The following TM7SF3 variants were observed in gnomAD, a reference collection of about 807,000 sequenced individuals.
The protein encoded by TM7SF3 is seven span transmembrane protein.
TM7SF3 carries 60 observed loss-of-function variants against 65.5 expected under a neutral mutation model. The observed-to-expected ratio is 0.92, with a 90% CI of 0.74 to 1.14. The LOEUF (loss-of-function observed/expected upper bound fraction) is 1.14, where lower values mean the gene tolerates loss of function less well. Among genes scored for constraint, TM7SF3 ranks in the 50% most tolerant of loss-of-function variants. TM7SF3 has a pLI of 0.00. For synonymous variants in TM7SF3, 264 were observed against 259.6 expected (o/e 1.02, Z -0.16); for missense variants, 623 against 684.8 (o/e 0.91, Z 1.01).
intron 8 of TM7SF3, chr12:26,980,229 G>A: frequency 3.7e-6 from 2 of 546,522 alleles, no homozygotes; most frequent in Non-Finnish European, 6.5e-6. Flanking sequence ...TAAACATAAT[G>A]GGGTAGGGAG....
At chr12:27,007,563 G>T (rs1420878395) in intron 1 of TM7SF3, among the ~76,000 whole-genome samples, 1 of 151,838 alleles carries the variant, frequency 6.6e-6, no homozygotes, top group Non-Finnish European at 1.5e-5. Context: ...TGCTGCCTGG[G>T]ACCCTCTCCA....
Position 26,972,420 on chromosome 12 carries a change from C to CA in TM7SF3, c.*1544_*1545insT. ...GTTTTCTTATTAATGGCAATACAGA[C>CA]TTTTTTTTTTTTTGAGACGGAGTCT... On this transcript the variant is annotated 3_prime_UTR_variant, in exon 12 of 12. Transcript: ENST00000343028. The CA allele has an allele frequency of 6.8e-6, 1 of 147,442 alleles. No individual in the cohort carries two copies. The highest frequency in any genetic ancestry group is 2.5e-5 in the African/African-American group (1 of 40,342). The allele number at this position is 147,442 out of a possible 1,614,324, so 9.1% of individuals were successfully genotyped here. A position where few individuals can be genotyped will look rare whatever the true frequency, so the allele number is the denominator to read the frequency against.
At chr12:27,012,995 CAAAA>C (rs772325397) in intron 1 of TM7SF3, 107 of 116,896 alleles carry the variant, frequency 9.2e-4, no homozygotes, top group South Asian at 3.9e-3. Flanking sequence ...GAGACTCCGT[CAAAA>C]AAAAAAAAAA....
intron 1 of TM7SF3, among the ~76,000 whole-genome samples, chr12:27,012,205 T>C (rs10771316): frequency 0.3 from 45,638 of 152,052 alleles, 7,368 homozygotes; most frequent in East Asian, 0.53. Context: ...TGGGTTCAAG[T>C]CCTATCTGTA....
At chr12:27,009,331 C>T (rs1217991398) in intron 1 of TM7SF3, among the ~76,000 whole-genome samples, 2 of 152,074 alleles carry the variant, frequency 1.3e-5, no homozygotes, top group Admixed American at 1.3e-4. Context: ...TGAATATATA[C>T]ATTAATTTAG....
At chr12:26,975,814 A>T in intron 10 of TM7SF3, 156 bp from the exon 11 acceptor site, 1 of 722,872 alleles carries the variant, frequency 1.4e-6, no homozygotes, top group South Asian at 2.1e-5. Flanking sequence ...CCCTGGAAAG[A>T]TAAACTGAAA....
intron 11 of TM7SF3, 96 bp from the exon 12 acceptor site, chr12:26,974,323 T>C: frequency 7.6e-7 from 1 of 1,307,356 alleles, no homozygotes; most frequent in Admixed American, 2.6e-5. Context: ...TATATTCCTT[T>C]CTAATAGACT....
chr12:26,974,319 CCTTT>C (rs2136371938), intron 11 of TM7SF3, 92 bp from the exon 12 acceptor site: 6 of 1,343,942 alleles, frequency 4.5e-6, no homozygotes, highest in Middle Eastern at 1.9e-4. Context: ...TCTGTATATT[CCTTT>C]CTAATAGACT....
Position 26,999,696 on chromosome 12 carries a change from T to C in TM7SF3, c.247-20A>G, listed in dbSNP as rs373677277. The C allele has an allele frequency of 5.1e-5, 83 of 1,612,988 alleles. No individual in the cohort carries two copies. Among genetic ancestry groups the C allele is most frequent in the Middle Eastern group, 4.9e-4 (3 of 6,078 alleles). Reference sequence around the variant, plus strand: ...GAGAGTCTGCAGTCCAGAAGAAACATTGTCATGAATAGGAAGTCGACCAAA... The same window carrying C: ...GAGAGTCTGCAGTCCAGAAGAAACACTGTCATGAATAGGAAGTCGACCAAA... On this transcript the variant is annotated intron_variant, in intron 2 of 11. Transcript: ENST00000343028.
At chr12:27,002,656 C>T (rs1245014402) in intron 2 of TM7SF3, among the ~76,000 whole-genome samples, 1 of 152,022 alleles carries the variant, frequency 6.6e-6, no homozygotes, top group East Asian at 1.9e-4. Flanking sequence ...CTTAAACTAA[C>T]CCAGAGAATT....
At chr12:26,981,684 T>C (rs1939822137) in intron 7 of TM7SF3, among the ~76,000 whole-genome samples, 1 of 152,208 alleles carries the variant, frequency 6.6e-6, no homozygotes, top group Non-Finnish European at 1.5e-5. Flanking sequence ...TTTCAAACAA[T>C]TTAACATAAG....
rs566359006 is a variant in TM7SF3 at position 27,014,048 on chromosome 12, G to C, written c.91+30C>G. ...CGCAAGAAATGCAAAAGCAACTTTG[G>C]GTTGCAGAAGCCAGGCGCCCCGACC... is the stretch of plus-strand genomic sequence containing the variant. On this transcript the variant is annotated intron_variant, in intron 1 of 11. Coordinates refer to ENST00000343028, the MANE Select transcript of TM7SF3 (RefSeq NM_016551.3). 2.6e-6 allele frequency: 4 copies of C among 1,535,348 alleles called. No homozygotes were observed. The South Asian group carries it at 3.6e-5, about 14-fold the overall frequency.
chr12:26,984,764 G>A (rs746065921), intron 6 of TM7SF3, among the ~76,000 whole-genome samples: 4 of 152,170 alleles, frequency 2.6e-5, no homozygotes, highest in Non-Finnish European at 4.4e-5. Context: ...GAGAGGGTAT[G>A]GAAGGTTCCA....
intron 5 of TM7SF3, among the ~76,000 whole-genome samples, chr12:26,993,521 C>T (rs553765892): frequency 9.2e-5 from 14 of 152,312 alleles, no homozygotes; most frequent in African/African-American, 3.4e-4. Flanking sequence ...GCACGTAATA[C>T]AGGCTGATCC....
chr12:26,995,902 T>C (rs552114949), intron 4 of TM7SF3, among the ~76,000 whole-genome samples: 2 of 152,304 alleles, frequency 1.3e-5, no homozygotes, highest in South Asian at 4.1e-4. Flanking sequence ...TGTGCTACTT[T>C]GTTACAGCAC....
intron 1 of TM7SF3, among the ~76,000 whole-genome samples, chr12:27,008,057 T>A (rs144545478): frequency 2.2e-4 from 33 of 152,266 alleles, no homozygotes; most frequent in Admixed American, 3.9e-4. Flanking sequence ...ATATACACAT[T>A]TTTGTTGGGT....
At chr12:26,993,850 C>T (rs1382401472) in intron 5 of TM7SF3, among the ~76,000 whole-genome samples, 4 of 152,178 alleles carry the variant, frequency 2.6e-5, no homozygotes, top group African/African-American at 9.6e-5. Flanking sequence ...ATTTCTTTAT[C>T]AATTTTTAGA....
chr12:27,008,503 A>T (rs1941125973), intron 1 of TM7SF3, among the ~76,000 whole-genome samples: 1 of 152,084 alleles, frequency 6.6e-6, no homozygotes, highest in Non-Finnish European at 1.5e-5. Flanking sequence ...TTACCTTTAG[A>T]TTAACAGTTT....
intron 4 of TM7SF3, 76 bp downstream of exon 4, chr12:26,996,666 G>C (rs1940609166): frequency 1.4e-6 from 2 of 1,465,046 alleles, no homozygotes; most frequent in East Asian, 4.9e-5. Flanking sequence ...AGGGACTTGA[G>C]AGAGCTGGTC....
Sources: gnomAD v4.1 joint callset for allele counts (sites outside exome capture counted in the v4.1 genomes callset) on GRCh38, gnomAD v4.1.1 for gene constraint, MANE v1.5 for transcripts, NCBI Gene and HGNC (gene_info 2026-07-23, HGNC 2026-07-21) for gene names.